Variants in NUP210 observed in about 807,000 individuals in gnomAD.
The protein encoded by NUP210 is nuclear pore membrane glycoprotein 210.
Under a neutral mutation model 196.0 loss-of-function variants are expected in NUP210, and 151 were observed. That is an observed-to-expected ratio of 0.77 (90% CI 0.67 to 0.88). The LOEUF (loss-of-function observed/expected upper bound fraction) is 0.88, where lower values mean the gene tolerates loss of function less well. Among genes scored for constraint, NUP210 ranks in the 40% least tolerant of loss-of-function variants. The pLI, the probability that NUP210 is intolerant of heterozygous loss-of-function variation, is 0.00. For synonymous variants in NUP210, 1,070 were observed against 1,052.7 expected, an observed-to-expected ratio of 1.02 and a Z score of -0.32; for missense variants, 2,314 against 2,493.7, an observed-to-expected ratio of 0.93 and a Z score of 1.53.
rs183235143 is a variant in NUP210, at chr3:13,325,374, C to T, written c.4644+421G>A. 1.4e-3 allele frequency among the ~76,000 whole-genome samples: 210 copies of T among 152,300 alleles called. 1 individual carries two copies. The highest frequency in any genetic ancestry group is 5.4e-3 in the Admixed American group (83 of 15,296). On this transcript the variant is annotated intron_variant, in intron 33 of 39. Transcript: ENST00000254508. ...GCATTTGGATCTCAGCCAGACTTGC[C>T]CCACTGATTCATTCTCAACTGGAGA...
intron 5 of NUP210, among the ~76,000 whole-genome samples, chr3:13,387,342 A>AGGGC (rs1699309091): frequency 6.6e-6 from 1 of 152,194 alleles, no homozygotes; most frequent in South Asian, 2.1e-4. Flanking sequence ...GCAGGCAGGG[A>AGGGC]GGGCCACTGA....
At chr3:13,389,002 C>T (rs563546452) in intron 4 of NUP210, among the ~76,000 whole-genome samples, 7 of 152,374 alleles carry the variant, frequency 4.6e-5, no homozygotes, top group Middle Eastern at 3.4e-3. Flanking sequence ...ATGTCGGGGA[C>T]GTGGTGTAGC....
rs758036027 is a variant in NUP210, at chr3:13,328,913, T to C, written c.4144A>G (p.Ser1382Gly). ...TTGTTCTGGGTGTGCAGGACAGGGC[T>C]CATGGAAACCCTCAGGTAGGAAACA... is the stretch of plus-strand genomic sequence containing the variant. ...SPVSYLRVSM[S>G]PVLHTQNKEA... is the part of the protein sequence containing the mutation. Residue 1382 changes from serine (S) to glycine (G), a missense_variant, in exon 31 of 40, where the codon AGC (serine) becomes GGC (glycine). Ser to Gly is a moderately conservative substitution (Grantham distance 56). Transcript: ENST00000254508. 2.0e-5 allele frequency: 32 copies of C among 1,613,730 alleles called. No individual in the cohort carries two copies. Among genetic ancestry groups the C allele is most frequent in the Non-Finnish European group, 2.6e-5 (31 of 1,179,960 alleles).
At chr3:13,352,042 G>A (rs1212261274) in intron 19 of NUP210, 38 bp downstream of exon 19, 2 of 1,603,600 alleles carry the variant, frequency 1.2e-6, no homozygotes. Context: ...GTCCCCCCGT[G>A]GGTCTTGCCC....
chr3:13,416,001 A>G (rs995828937), intron 1 of NUP210, among the ~76,000 whole-genome samples: 1 of 152,136 alleles, frequency 6.6e-6, no homozygotes, highest in African/African-American at 2.4e-5. Flanking sequence ...CTCAGCAAAG[A>G]GGGACTCCCC....
chr3:13,360,539 G>A (rs1474302960), intron 14 of NUP210, 48 bp from the exon 15 acceptor site: 4 of 1,480,052 alleles, frequency 2.7e-6, no homozygotes, highest in African/African-American at 2.8e-5. Context: ...AAGGCAGCAC[G>A]GGCAGGAGCC....
chr3:13,352,540 G>A (rs1169492890), intron 18 of NUP210, among the ~76,000 whole-genome samples: 1 of 152,250 alleles, frequency 6.6e-6, no homozygotes, highest in Non-Finnish European at 1.5e-5. Context: ...GGCCAGGCCA[G>A]GCATCGGGGG....
chr3:13,349,841 G>C (rs1697905791), intron 20 of NUP210, among the ~76,000 whole-genome samples: 1 of 152,234 alleles, frequency 6.6e-6, no homozygotes, highest in Non-Finnish European at 1.5e-5. Flanking sequence ...GGCTACACTG[G>C]AGGCCGGCAA....
intron 13 of NUP210, among the ~76,000 whole-genome samples, chr3:13,366,414 G>A (rs1211798296): frequency 6.6e-6 from 1 of 152,082 alleles, no homozygotes; most frequent in Non-Finnish European, 1.5e-5. Context: ...TCACAGGTGT[G>A]AGCCACTGTG....
At chr3:13,399,918 G>A in intron 1 of NUP210, 57 bp from the exon 2 acceptor site, 1 of 1,534,550 alleles carries the variant, frequency 6.5e-7, no homozygotes, top group Non-Finnish European at 8.8e-7. Flanking sequence ...GGCACAGTGG[G>A]GTCCAGACAC....
intron 1 of NUP210, among the ~76,000 whole-genome samples, chr3:13,401,257 C>CT (rs1699827534): frequency 9.5e-5 from 2 of 21,126 alleles, no homozygotes; most frequent in South Asian, 1.9e-3. Flanking sequence ...GAGACTCTGG[C>CT]TCAAAAAAAA....
chr3:13,347,097 A>G lies in NUP210; in HGVS notation c.2836-3794T>C. On this transcript the variant is annotated intron_variant, in intron 20 of 39. Coordinates refer to ENST00000254508, the MANE Select transcript of NUP210 (RefSeq NM_024923.4). This position sits in a 1 kb window ranked among gnomAD's most constrained non-coding sequence, Gnocchi z 4.7. ...CTGGACACATGTCCTCACCTGAACA[A>G]TGGCCCCATGACGGGCTGCGCCTCA... is the stretch of plus-strand genomic sequence containing the variant. The G allele has an allele frequency of 1.0e-6, 1 of 985,428 alleles. No individual in the cohort carries two copies. The allele number at this position is 985,428 out of a possible 1,614,324, so 61.0% of individuals were successfully genotyped here.
rs1336333370 is a variant in NUP210, at chr3:13,319,847, T to A, written c.5299A>T (p.Thr1767Ser). The A allele has an allele frequency of 6.2e-7, 1 of 1,613,966 alleles. No homozygotes were observed. The highest frequency in any genetic ancestry group is 8.5e-7 in the Non-Finnish European group (1 of 1,180,000). The stretch of plus-strand genomic sequence containing the variant: ...TGGTTGGTCACGGGGCTGGAGAAGG[T>A]CAGGGTAGTGGACAGAGGCCCTTGG... Reference protein sequence around the residue: ...GSQGPLSTTLTFSSPVTNQAI... With the variant: ...GSQGPLSTTLSFSSPVTNQAI... The change falls in exon 37 of 40, where the codon ACC (threonine) becomes TCC (serine). Residue 1767 changes from threonine (T) to serine (S), a missense_variant. Thr to Ser is a moderately conservative substitution (Grantham distance 58, BLOSUM62 1). Transcript: ENST00000254508.
At chr3:13,344,609 A>G (rs1027237196) in intron 20 of NUP210, among the ~76,000 whole-genome samples, 1 of 152,224 alleles carries the variant, frequency 6.6e-6, no homozygotes, top group Admixed American at 6.5e-5. Flanking sequence ...GGATCACATC[A>G]CTCCCAACAT....
rs1256208794 is a variant in NUP210, at chr3:13,317,602, G to GT, written c.*78dup. The GT allele has an allele frequency of 4.7e-6, 5 of 1,065,306 alleles. No individual in the cohort carries two copies. In the Admixed American group the frequency reaches 9.9e-5, roughly 21 times the overall value. 66.0% of individuals were successfully genotyped at this position (1,065,306 alleles called of 1,614,324 possible). A position where few individuals can be genotyped will look rare whatever the true frequency, so the allele number is the denominator to read the frequency against. ...CTCATCTGGAGGGGCTTGTTCCAGT[G>GT]TGAATGCAGCAGGGATGTTCCATCT... On this transcript the variant is annotated 3_prime_UTR_variant, in exon 40 of 40. Transcript: ENST00000254508.
chr3:13,324,233 C>T (rs1267339989), intron 33 of NUP210, among the ~76,000 whole-genome samples: 1 of 152,124 alleles, frequency 6.6e-6, no homozygotes, highest in Non-Finnish European at 1.5e-5. Context: ...GCCCTCCTCT[C>T]CCCTTCCTCC....
rs1697943052 is a variant in NUP210 at position 13,350,734 on chromosome 3, C to G, written c.2835+1145G>C. Reference sequence around the variant, plus strand: ...TTTGAGATGGAGTCTCGCCCCGTCGCCCAGGCTGGAGTGCAGTGGCGCAAT... The same window carrying G: ...TTTGAGATGGAGTCTCGCCCCGTCGGCCAGGCTGGAGTGCAGTGGCGCAAT... On this transcript the variant is annotated intron_variant, in intron 20 of 39. Coordinates refer to ENST00000254508, the MANE Select transcript of NUP210 (RefSeq NM_024923.4). This position sits in a 1 kb window ranked among gnomAD's most constrained non-coding sequence, Gnocchi z 4.1. Among the ~76,000 whole-genome samples, 1 of 150,060 alleles carries G rather than the reference C, an allele frequency of 6.7e-6. No individual in the cohort carries two copies. Among genetic ancestry groups the G allele is most frequent in the Non-Finnish European group, 1.5e-5 (1 of 67,622 alleles).
intron 16 of NUP210, among the ~76,000 whole-genome samples, chr3:13,357,691 C>T (rs1480885539): frequency 6.6e-6 from 1 of 152,104 alleles, no homozygotes; most frequent in Non-Finnish European, 1.5e-5. Flanking sequence ...GGGGAGCAGA[C>T]CTGTGGCTTC....
chr3:13,342,168 A>G, intron 21 of NUP210, 45 bp from the exon 22 acceptor site: 2 of 1,610,762 alleles, frequency 1.2e-6, no homozygotes, highest in Non-Finnish European at 1.7e-6. Context: ...CCAAAAGACC[A>G]ATCCTACCAT....
Sources: gnomAD v4.1 joint callset for allele counts (sites outside exome capture counted in the v4.1 genomes callset) on GRCh38, gnomAD v4.1.1 for gene constraint, Gnocchi (gnomAD v3.1) non-coding constraint, MANE v1.5 for transcripts, NCBI Gene and HGNC (gene_info 2026-07-23, HGNC 2026-07-21) for gene names.